OSBP2: variants seen among roughly 807,000 people sequenced by gnomAD.
OSBP2 encodes oxysterol-binding protein 2.
In OSBP2, 66 loss-of-function variants were observed where a neutral mutation model predicts 96.0. The observed-to-expected ratio is 0.69, with a 90% CI of 0.56 to 0.84. The LOEUF (loss-of-function observed/expected upper bound fraction) is 0.84. OSBP2 is among the 40% of genes least tolerant of loss of function. The pLI is 0.00. For missense variants in OSBP2, 1,038 were observed against 1,222.7 expected (o/e 0.85, Z 2.25); for synonymous variants, 525 against 520.9 (o/e 1.01, Z -0.11).
chr22:30,759,652 C>T (rs1490442376), intron 2 of OSBP2, among the ~76,000 whole-genome samples: 1 of 152,038 alleles, frequency 6.6e-6, no homozygotes, highest in East Asian at 1.9e-4. Context: ...TAACACTTGC[C>T]CAAGATCAAA....
intron 2 of OSBP2, among the ~76,000 whole-genome samples, chr22:30,807,196 C>T (rs1225647782): frequency 6.6e-6 from 1 of 152,146 alleles, no homozygotes; most frequent in Non-Finnish European, 1.5e-5. Context: ...CAGTTACTGG[C>T]CCCATCTCTC....
At chr22:30,767,005 A>G (rs1408061811) in intron 2 of OSBP2, among the ~76,000 whole-genome samples, 1 of 151,960 alleles carries the variant, frequency 6.6e-6, no homozygotes, top group African/African-American at 2.4e-5. Flanking sequence ...ACAGAGGTGC[A>G]GGTAAAAACC....
At chr22:30,756,955 C>T (rs926259123) in intron 2 of OSBP2, among the ~76,000 whole-genome samples, 6 of 152,010 alleles carry the variant, frequency 3.9e-5, no homozygotes, top group Admixed American at 3.3e-4. Context: ...AGACAACACT[C>T]CTCAAACCCA....
chr22:30,810,191 G>A (rs930501262), intron 2 of OSBP2, among the ~76,000 whole-genome samples: 3 of 152,144 alleles, frequency 2.0e-5, no homozygotes, highest in African/African-American at 7.2e-5. Context: ...ACTGACTCAT[G>A]TCCTCAAGCG....
chr22:30,805,047 C>T (rs62235914), intron 2 of OSBP2, among the ~76,000 whole-genome samples: 17,353 of 152,204 alleles, frequency 0.11, 1,114 homozygotes, highest in East Asian at 0.2. Flanking sequence ...GTCTGAGCAA[C>T]TTAAAACCTC....
chr22:30,905,959 G>A lies in OSBP2; in HGVS notation c.2498G>A (p.Arg833His), dbSNP rs759958825. 3 of 1,610,718 alleles carry A rather than the reference G, an allele frequency of 1.9e-6. No homozygotes were observed. The highest frequency in any genetic ancestry group is 2.2e-5 in the South Asian group (2 of 90,754). The change falls in exon 13 of 14, where the codon CGT becomes CAT. Residue 833 changes from arginine (R) to histidine (H), a missense_variant. By Grantham distance (29) the Arg-to-His change is conservative (BLOSUM62 0). This residue lies in a region of OSBP2 where 737 missense variants were observed against 913.3 expected (regional missense o/e 0.81). Transcript: ENST00000332585. ...RPDQRLMEKGRWDEANTEKQR... is the reference protein window; with the variant it reads ...RPDQRLMEKGHWDEANTEKQR... Reference sequence around the variant, plus strand: ...GACCAGCGGCTGATGGAGAAGGGCCGTTGGGACGAGGCCAATACCGAGAAG... The same window carrying A: ...GACCAGCGGCTGATGGAGAAGGGCCATTGGGACGAGGCCAATACCGAGAAG...
intron 2 of OSBP2, among the ~76,000 whole-genome samples, chr22:30,830,412 A>T (rs1356189157): frequency 6.6e-6 from 1 of 152,232 alleles, no homozygotes; most frequent in Non-Finnish European, 1.5e-5. Context: ...TGCCTGCCGC[A>T]TCCTGACCTG....
chr22:30,801,816 C>CA (rs879279586), intron 2 of OSBP2, among the ~76,000 whole-genome samples: 4 of 151,978 alleles, frequency 2.6e-5, no homozygotes, highest in South Asian at 4.2e-4. Flanking sequence ...TCAACAACAA[C>CA]AAAAAAAAAT....
intron 2 of OSBP2, among the ~76,000 whole-genome samples, chr22:30,762,257 A>C (rs2090214344): frequency 6.6e-6 from 1 of 151,326 alleles, no homozygotes; most frequent in African/African-American, 2.4e-5. Context: ...TAAAAATAAA[A>C]TGCAATTTTG....
chr22:30,791,448 T>C (rs748255156), intron 2 of OSBP2, among the ~76,000 whole-genome samples: 6 of 150,532 alleles, frequency 4.0e-5, no homozygotes, highest in Non-Finnish European at 8.9e-5. Flanking sequence ...TGCCTCAGCT[T>C]CCCGAGTAGC....
chr22:30,809,621 G>A (rs2090979263), intron 2 of OSBP2, among the ~76,000 whole-genome samples: 1 of 152,208 alleles, frequency 6.6e-6, no homozygotes. Flanking sequence ...GCTCCTAGTA[G>A]GCTGTGGTTT....
At position 30,695,357 on chromosome 22, in the gene OSBP2, C is replaced by G. The variant is rs747699976; in HGVS notation, c.448C>G (p.Leu150Val). The G allele has an allele frequency of 2.5e-6, 4 of 1,613,766 alleles. No individual in the cohort carries two copies. Among genetic ancestry groups the G allele is most frequent in the African/African-American group, 1.3e-5 (1 of 74,950 alleles). Residue 150 changes from leucine to valine, a missense_variant, in exon 1 of 14, where the codon CTG becomes GTG. Coordinates refer to ENST00000332585, the MANE Select transcript of OSBP2 (RefSeq NM_030758.4). ...ESGSLPALKP[L>V]PLLRPGQAKT... Reference sequence around the variant, plus strand: ...AGGATCGCTGCCAGCGTTAAAGCCCCTGCCTCTTCTGCGACCAGGACAGGC... The same window carrying G: ...AGGATCGCTGCCAGCGTTAAAGCCCGTGCCTCTTCTGCGACCAGGACAGGC...
chr22:30,830,150 G>T (rs374065861), intron 2 of OSBP2, among the ~76,000 whole-genome samples: 6 of 152,338 alleles, frequency 3.9e-5, no homozygotes, highest in African/African-American at 1.4e-4. Context: ...CCTATAAAGT[G>T]CCAGTCAGCT....
chr22:30,745,666 C>CAAA (rs71328868), intron 2 of OSBP2, among the ~76,000 whole-genome samples: 16 of 58,646 alleles, frequency 2.7e-4, no homozygotes, highest in Admixed American at 4.4e-4. Flanking sequence ...GACTCTGTCT[C>CAAA]AAAAAAAAAA....
At chr22:30,780,039 C>T (rs142070013) in intron 2 of OSBP2, among the ~76,000 whole-genome samples, 189 of 152,264 alleles carry the variant, frequency 1.2e-3, no homozygotes, top group Non-Finnish European at 2.4e-3. Context: ...TCATTCTGTA[C>T]GAAGCAAAAA....
chr22:30,762,589 C>T (rs550940951), intron 2 of OSBP2, among the ~76,000 whole-genome samples: 1 of 152,342 alleles, frequency 6.6e-6, no homozygotes, highest in African/African-American at 2.4e-5. Context: ...TCTGGCTCCT[C>T]TTGCGCTCTA....
At chr22:30,896,033 G>C (rs886866144) in intron 12 of OSBP2, among the ~76,000 whole-genome samples, 1 of 151,370 alleles carries the variant, frequency 6.6e-6, no homozygotes, top group Admixed American at 6.6e-5. Flanking sequence ...GTTGTTGTTT[G>C]TTTTGAGATG....
Position 30,870,596 on chromosome 22 carries a change from A to G in OSBP2, c.1021A>G (p.Lys341Glu). The G allele has an allele frequency of 1.9e-6, 3 of 1,614,018 alleles. No individual in the cohort carries two copies. Among genetic ancestry groups the G allele is most frequent in the Non-Finnish European group, 2.5e-6 (3 of 1,180,014 alleles). The change falls in exon 3 of 14, where the codon AAG (lysine) becomes GAG (glutamate). Residue 341 changes from lysine (K) to glutamate (E), a missense_variant. Around this residue, in one of 3 missense-constraint regions of OSBP2, gnomAD observed 737 missense variants for 913.3 expected, o/e 0.81. Transcript: ENST00000332585. The surrounding 1 kb of genome is among the most constrained non-coding windows in gnomAD (Gnocchi z 4.1). ...CTCCCTGACAGAGCTGGACGGCCTCAAGATCCCATCTGAGAGTGGGGAGAA... is the reference window on the plus strand; with the variant it reads ...CTCCCTGACAGAGCTGGACGGCCTCGAGATCCCATCTGAGAGTGGGGAGAA... ...QRSLTELDGL[K>E]IPSESGEKLK...
chr22:30,810,274 G>A (rs774255081), intron 2 of OSBP2, among the ~76,000 whole-genome samples: 3 of 152,158 alleles, frequency 2.0e-5, no homozygotes, highest in Non-Finnish European at 2.9e-5. Flanking sequence ...GGTGGTTGGT[G>A]TGACTCAGGT....
Sources: gnomAD v4.1 joint callset for allele counts (sites outside exome capture counted in the v4.1 genomes callset) on GRCh38, gnomAD v4.1.1 for gene constraint, gnomAD v4.1.1 regional missense constraint, Gnocchi (gnomAD v3.1) non-coding constraint, MANE v1.5 for transcripts, NCBI Gene and HGNC (gene_info 2026-07-23, HGNC 2026-07-21) for gene names.